The following ANK2 variants were observed in gnomAD, a reference collection of about 807,000 sequenced individuals.
ANK2 encodes ankyrin-2.
Under a neutral mutation model 360.5 loss-of-function variants are expected in ANK2, and 83 were observed. The observed-to-expected ratio is 0.23, with a 90% confidence interval of 0.19 to 0.28. The LOEUF (loss-of-function observed/expected upper bound fraction) is 0.28, where lower values mean the gene tolerates loss of function less well. Among genes scored for constraint, ANK2 ranks in the 10% least tolerant of loss-of-function variants. ANK2 has a pLI of 1.00. For missense variants in ANK2, 4,201 were observed against 4,795.7 expected (o/e 0.88, Z 3.66); for synonymous variants, 1,740 against 1,759.5 (o/e 0.99, Z 0.28).
At chr4:113,222,100 G>A (rs75661525) in intron 4 of ANK2, among the ~76,000 whole-genome samples, 5,241 of 152,256 alleles carry the variant, frequency 0.034, 116 homozygotes, top group East Asian at 0.067. Flanking sequence ...GTCATATAAA[G>A]ATACAGTATT....
chr4:112,738,863 CAACAAACA>C, the ANK2 span: 40 of 655,346 alleles, frequency 6.1e-5, no homozygotes, highest in Admixed American at 1.7e-4. Context: ...GGAGCAACAA[CAACAAACA>C]AACAAACAAA....
chr4:113,372,515 C>T, intron 43 of ANK2: 6 of 1,479,242 alleles, frequency 4.1e-6, no homozygotes, highest in Non-Finnish European at 4.6e-6. Context: ...CAAAGCAATG[C>T]TTCCATGCTT....
At chr4:113,261,641 C>T (rs1221801862) in intron 13 of ANK2, among the ~76,000 whole-genome samples, 1 of 151,972 alleles carries the variant, frequency 6.6e-6, no homozygotes, top group African/African-American at 2.4e-5. Flanking sequence ...TCCATTATGC[C>T]AGAGGTGTTA....
intron 1 of ANK2, among the ~76,000 whole-genome samples, chr4:112,855,119 G>T (rs2066021286): frequency 6.6e-6 from 1 of 152,146 alleles, no homozygotes; most frequent in Admixed American, 6.5e-5. Flanking sequence ...TGTTGTTTTT[G>T]TGACAATTAA....
intron 2 of ANK2, among the ~76,000 whole-genome samples, chr4:113,193,896 A>G (rs998590817): frequency 1.3e-5 from 2 of 152,232 alleles, no homozygotes; most frequent in African/African-American, 4.8e-5. Context: ...AAGATGTTAT[A>G]TAAGTTAGTT....
chr4:113,353,940 G>T lies in ANK2; in HGVS notation c.5322G>T (p.Gln1774His). Residue 1774 changes from glutamine to histidine, a missense_variant, in exon 38 of 46, where the codon CAG (glutamine) becomes CAT (histidine). Around this residue, in one of 4 missense-constraint regions of ANK2, gnomAD observed 2,642 missense variants for 2,714.5 expected, o/e 0.97. Coordinates refer to ENST00000357077, the MANE Select transcript of ANK2 (RefSeq NM_001148.6). Reference sequence around the variant, plus strand: ...TAAAGGACAAAGTAAAGGCCCTTCAGAAGCGAGTGGAAGATGAACAGAAAG... The same window carrying T: ...TAAAGGACAAAGTAAAGGCCCTTCATAAGCGAGTGGAAGATGAACAGAAAG... ...GSIKDKVKALQKRVEDEQKGR... is the reference protein window; with the variant it reads ...GSIKDKVKALHKRVEDEQKGR... 1.2e-6 allele frequency: 2 copies of T among 1,614,062 alleles called. No homozygotes were observed. The highest frequency in any genetic ancestry group is 2.2e-5 in the South Asian group (2 of 91,070).
At chr4:113,192,497 C>T (rs1211535053) in intron 2 of ANK2, among the ~76,000 whole-genome samples, 1 of 152,054 alleles carries the variant, frequency 6.6e-6, no homozygotes, top group Non-Finnish European at 1.5e-5. Context: ...ATTTATGACC[C>T]GTTTATGCAT....
chr4:112,730,905 C>T, the ANK2 span, among the ~76,000 whole-genome samples: 2 of 150,398 alleles, frequency 1.3e-5, no homozygotes, highest in Admixed American at 6.6e-5. Context: ...TTTGGGAGGC[C>T]GAGGAGGGAG....
intron 22 of ANK2, among the ~76,000 whole-genome samples, chr4:113,299,182 G>T (rs926937326): frequency 6.6e-6 from 1 of 152,112 alleles, no homozygotes; most frequent in Non-Finnish European, 1.5e-5. Flanking sequence ...CAAGTACAAA[G>T]AAAATATAGT....
intron 1 of ANK2, among the ~76,000 whole-genome samples, chr4:113,110,166 C>G (rs1338807114): frequency 1.3e-5 from 2 of 151,942 alleles, no homozygotes; most frequent in Non-Finnish European, 2.9e-5. Flanking sequence ...TGGTGGAAGG[C>G]GAAGGAGGAG....
intron 1 of ANK2, among the ~76,000 whole-genome samples, chr4:113,065,818 A>G (rs1206643780): frequency 6.6e-6 from 1 of 152,190 alleles, no homozygotes; most frequent in Non-Finnish European, 1.5e-5. Context: ...ATTACACAAA[A>G]GCTAATTTCC....
At chr4:113,277,512 G>GA (rs34635537) in intron 15 of ANK2, among the ~76,000 whole-genome samples, 115,943 of 151,998 alleles carry the variant, frequency 0.76, 44,281 homozygotes, top group South Asian at 0.79. Context: ...TTAGAGGCAA[G>GA]AAAAGGCTTT....
intron 1 of ANK2, among the ~76,000 whole-genome samples, chr4:113,133,331 T>C (rs931909257): frequency 7.9e-5 from 12 of 152,182 alleles, no homozygotes; most frequent in African/African-American, 2.7e-4. Context: ...TGAGAGCATG[T>C]AGACTCTATA....
intron 2 of ANK2, among the ~76,000 whole-genome samples, chr4:112,995,954 T>C (rs12501268): frequency 0.63 from 95,443 of 152,026 alleles, 31,115 homozygotes; most frequent in Admixed American, 0.73. Context: ...AAGTTAAACA[T>C]GTGCATACCA....
At chr4:112,869,259 C>T (rs1425620044) in intron 1 of ANK2, among the ~76,000 whole-genome samples, 1 of 152,044 alleles carries the variant, frequency 6.6e-6, no homozygotes, top group Non-Finnish European at 1.5e-5. Flanking sequence ...TGAGCCACCA[C>T]ACTTGGGCTC....
chr4:113,273,705 A>G (rs2059291726), intron 14 of ANK2, among the ~76,000 whole-genome samples: 1 of 152,220 alleles, frequency 6.6e-6, no homozygotes, highest in South Asian at 2.1e-4. Context: ...CACTGAAAAC[A>G]TTATTTCCAA....
the ANK2 span, among the ~76,000 whole-genome samples, chr4:112,706,472 C>A: frequency 6.6e-6 from 1 of 152,106 alleles, no homozygotes; most frequent in Non-Finnish European, 1.5e-5. Context: ...CGTGTAACTT[C>A]TGAACGCACG....
chr4:113,116,436 C>A, intron 1 of ANK2, among the ~76,000 whole-genome samples: 1 of 152,148 alleles, frequency 6.6e-6, no homozygotes, highest in Admixed American at 6.5e-5. Flanking sequence ...AATGCAGCTC[C>A]CTAATTCAGC....
intron 2 of ANK2, among the ~76,000 whole-genome samples, chr4:113,184,576 C>T (rs1393372604): frequency 6.6e-6 from 1 of 152,082 alleles, no homozygotes; most frequent in Non-Finnish European, 1.5e-5. Context: ...GTGAAGCTGC[C>T]ATTCCTGCCT....
Sources: gnomAD v4.1 joint callset for allele counts (sites outside exome capture counted in the v4.1 genomes callset) on GRCh38, gnomAD v4.1.1 for gene constraint, gnomAD v4.1.1 regional missense constraint, MANE v1.5 for transcripts, NCBI Gene and HGNC (gene_info 2026-07-23, HGNC 2026-07-21) for gene names.